PLD5: variants seen among roughly 807,000 people sequenced by gnomAD.
The protein encoded by PLD5 is phospholipase D family member 5.
Under a neutral mutation model 61.1 loss-of-function variants are expected in PLD5, and 36 were observed. The ratio of observed to expected loss-of-function variants is 0.59; its 90% confidence interval spans 0.45 to 0.78. PLD5 has a LOEUF of 0.78. PLD5 is among the 30% of genes least tolerant of loss of function. The probability of loss-of-function intolerance (pLI) is 0.00; values close to 1 mark genes in which losing one functional copy is unlikely to be tolerated. For missense variants in PLD5, 515 were observed against 644.4 expected (o/e 0.80, Z 2.17); for synonymous variants, 243 against 242.8 (o/e 1.00, Z -0.01).
At chr1:242,306,730 A>C (rs1427639341) in intron 2 of PLD5, among the ~76,000 whole-genome samples, 1 of 151,226 alleles carries the variant, frequency 6.6e-6, no homozygotes, top group Non-Finnish European at 1.5e-5. Flanking sequence ...AGAGAATAAG[A>C]ATTTATTAAA....
chr1:242,328,933 C>G (rs1267504257), intron 2 of PLD5, among the ~76,000 whole-genome samples: 1 of 152,196 alleles, frequency 6.6e-6, no homozygotes, highest in Non-Finnish European at 1.5e-5. Context: ...ATAAAGCCCT[C>G]TCCTGGTTTT....
intron 4 of PLD5, among the ~76,000 whole-genome samples, chr1:242,255,371 A>G (rs1273002909): frequency 6.6e-6 from 1 of 152,228 alleles, no homozygotes; most frequent in Non-Finnish European, 1.5e-5. Context: ...AGTAAAACCT[A>G]AGTAAAAAAA....
chr1:242,393,633 T>TATATGTGTATATATATGAGTAC (rs1663114229), intron 1 of PLD5, among the ~76,000 whole-genome samples: 1 of 104,542 alleles, frequency 9.6e-6, no homozygotes, highest in African/African-American at 4.2e-5. Context: ...TATGAGTATA[T>TATATGTGTATATATATGAGTAC]ATATGTGTAT....
intron 1 of PLD5, chr1:242,377,561 G>C (rs989199349): frequency 1.9e-6 from 1 of 528,838 alleles, no homozygotes; most frequent in African/African-American, 1.9e-5. Flanking sequence ...TCATACTCTA[G>C]ATAGAGACAT....
intron 5 of PLD5, among the ~76,000 whole-genome samples, chr1:242,196,069 C>A (rs1668621545): frequency 6.6e-6 from 1 of 152,118 alleles, no homozygotes; most frequent in Non-Finnish European, 1.5e-5. Context: ...ATGATCTGAA[C>A]TATTTTTGTC....
At chr1:242,192,745 C>T (rs1161252922) in intron 5 of PLD5, among the ~76,000 whole-genome samples, 2 of 151,722 alleles carry the variant, frequency 1.3e-5, no homozygotes, top group African/African-American at 4.9e-5. Flanking sequence ...TTGAAGTTCT[C>T]GGGCAGGAAG....
chr1:242,250,487 C>T (rs1428750397), intron 4 of PLD5, among the ~76,000 whole-genome samples: 1 of 152,108 alleles, frequency 6.6e-6, no homozygotes, highest in Non-Finnish European at 1.5e-5. Context: ...TGGAATGTCT[C>T]TGCTGCCATT....
intron 1 of PLD5, among the ~76,000 whole-genome samples, chr1:242,434,107 TAAG>T (rs1264243547): frequency 1.3e-5 from 2 of 152,180 alleles, no homozygotes; most frequent in African/African-American, 4.8e-5. Flanking sequence ...ACCGCTATGC[TAAG>T]AAGCTGCAGG....
At chr1:242,459,112 T>A (rs1667033067) in intron 1 of PLD5, among the ~76,000 whole-genome samples, 1 of 152,214 alleles carries the variant, frequency 6.6e-6, no homozygotes, top group Non-Finnish European at 1.5e-5. Context: ...TAAGACAAAC[T>A]GTTACATGGA....
chr1:242,303,807 T>G (rs547658243), intron 2 of PLD5, among the ~76,000 whole-genome samples: 2 of 152,246 alleles, frequency 1.3e-5, no homozygotes, highest in Non-Finnish European at 2.9e-5. Context: ...AATTAAACTC[T>G]GCTCTATCAT....
rs1659556441 is a variant in PLD5, at chr1:242,088,131, T to C, written c.*1723A>G. 6.6e-6 allele frequency: 1 copy of C among 152,166 alleles called. No individual in the cohort carries two copies. Among genetic ancestry groups the C allele is most frequent in the Admixed American group, 6.5e-5 (1 of 15,276 alleles). The allele number at this position is 152,166 out of a possible 1,614,324, so 9.4% of individuals were successfully genotyped here. ...CATTTAGAAATCAAGTCTCCAGAAA[T>C]GAAAAAGAATAACTGAGTGTTTCCT... On this transcript the variant is annotated 3_prime_UTR_variant, in exon 10 of 10. Transcript: ENST00000536534.
chr1:242,519,952 C>T (rs1669226393), intron 1 of PLD5, among the ~76,000 whole-genome samples: 1 of 152,212 alleles, frequency 6.6e-6, no homozygotes, highest in Non-Finnish European at 1.5e-5. Flanking sequence ...CATATACCTA[C>T]AGTTACTGTG....
intron 1 of PLD5, among the ~76,000 whole-genome samples, chr1:242,407,793 G>T (rs963913908): frequency 2.6e-5 from 4 of 151,920 alleles, no homozygotes; most frequent in Non-Finnish European, 4.4e-5. Flanking sequence ...TGGTCAGGAT[G>T]GTCTCAAACT....
At chr1:242,387,844 G>A (rs1201837619) in intron 1 of PLD5, among the ~76,000 whole-genome samples, 2 of 151,950 alleles carry the variant, frequency 1.3e-5, no homozygotes, top group East Asian at 1.9e-4. Context: ...TTAAGGAAAC[G>A]TTCATTATAA....
chr1:242,368,558 G>T (rs1661464439), intron 1 of PLD5, among the ~76,000 whole-genome samples: 3 of 152,094 alleles, frequency 2.0e-5, no homozygotes, highest in Admixed American at 6.5e-5. Context: ...TCTACATAGG[G>T]CATGAAAAAC....
At chr1:242,139,501 A>T (rs182173187) in intron 5 of PLD5, among the ~76,000 whole-genome samples, 94 of 151,894 alleles carry the variant, frequency 6.2e-4, no homozygotes, top group African/African-American at 2.2e-3. Context: ...AGCTTGTTCA[A>T]TGGGCATCGG....
At chr1:242,512,630 T>C (rs562299771) in intron 1 of PLD5, among the ~76,000 whole-genome samples, 31 of 152,300 alleles carry the variant, frequency 2.0e-4, no homozygotes, top group African/African-American at 6.3e-4. Flanking sequence ...TGGAGACATA[T>C]GGAAGTTGAA....
intron 1 of PLD5, among the ~76,000 whole-genome samples, chr1:242,504,705 C>G (rs909001656): frequency 6.6e-6 from 1 of 151,948 alleles, no homozygotes; most frequent in African/African-American, 2.4e-5. Flanking sequence ...CTAAAAAATC[C>G]ATTTTGAATA....
At position 242,394,338 on chromosome 1, in the gene PLD5, GTA is replaced by G. The variant is rs547486433; in HGVS notation, c.190-46098_190-46097del. Reference sequence around the variant, plus strand: ...TGTGTATATATGAGTATATATGTGTGTATATATGAGTATATATGTGTGTATAT... The same window carrying G: ...TGTGTATATATGAGTATATATGTGTGTATATGAGTATATATGTGTGTATAT... On this transcript the variant is annotated intron_variant, in intron 1 of 9. Transcript: ENST00000536534. 6.1e-5 allele frequency among the ~76,000 whole-genome samples: 4 copies of G among 65,714 alleles called. 1 individual carries two copies. Among genetic ancestry groups the G allele is most frequent in the Non-Finnish European group, 1.2e-4 (4 of 32,406 alleles). 43.1% of individuals were successfully genotyped at this position (65,714 alleles called of 152,430 possible).
Sources: allele counts gnomAD v4.1 joint callset (sites outside exome capture counted in the v4.1 genomes callset), GRCh38; gene constraint gnomAD v4.1.1; transcripts MANE v1.5; gene names NCBI Gene and HGNC (gene_info 2026-07-23, HGNC 2026-07-21).